POLQ: variants seen among roughly 807,000 people sequenced by gnomAD.
The protein encoded by POLQ is DNA polymerase theta.
In POLQ, 233 loss-of-function variants were observed where a neutral mutation model predicts 259.2. The observed-to-expected ratio is 0.90, with a 90% CI of 0.81 to 1.00. The LOEUF is 1.00. Among genes scored for constraint, POLQ ranks in the 50% least tolerant of loss-of-function variants. The probability of loss-of-function intolerance (pLI) is 0.00; values close to 1 mark genes in which losing one functional copy is unlikely to be tolerated. For synonymous variants in POLQ, 1,025 were observed against 1,048.8 expected (o/e 0.98, Z 0.44); for missense variants, 2,871 against 3,051.6 (o/e 0.94, Z 1.39).
intron 9 of POLQ, among the ~76,000 whole-genome samples, chr3:121,518,790 G>A (rs984925470): frequency 6.6e-6 from 1 of 151,172 alleles, no homozygotes; most frequent in African/African-American, 2.4e-5. Flanking sequence ...TAAAATACTG[G>A]AGTCAATTAT....
intron 27 of POLQ, 54 bp from the exon 28 acceptor site, chr3:121,436,329 C>T: frequency 1.3e-6 from 2 of 1,582,850 alleles, no homozygotes; most frequent in Non-Finnish European, 1.7e-6. Flanking sequence ...TGGTTTCATA[C>T]TTTCCTTTAG....
intron 20 of POLQ, 137 bp from the exon 21 acceptor site, chr3:121,473,624 A>C (rs2047903174): frequency 1.3e-6 from 1 of 797,822 alleles, no homozygotes; most frequent in Non-Finnish European, 2.0e-6. Context: ...GATAATTTGG[A>C]ATTACCATAT....
chr3:121,531,364 G>A (rs906576623), intron 6 of POLQ, among the ~76,000 whole-genome samples: 27 of 152,124 alleles, frequency 1.8e-4, no homozygotes, highest in Non-Finnish European at 2.9e-4. Flanking sequence ...ATGGCCCTAA[G>A]GGGAAAGTAT....
intron 19 of POLQ, among the ~76,000 whole-genome samples, chr3:121,477,415 C>T (rs2047935885): frequency 6.6e-6 from 1 of 152,130 alleles, no homozygotes; most frequent in Non-Finnish European, 1.5e-5. Context: ...TACATTTAGA[C>T]TTGGGTCTCA....
At chr3:121,465,528 T>C (rs2047828021) in intron 24 of POLQ, among the ~76,000 whole-genome samples, 1 of 151,922 alleles carries the variant, frequency 6.6e-6, no homozygotes, top group Non-Finnish European at 1.5e-5. Flanking sequence ...CAGGTTTTTT[T>C]CTTAAAGAAA....
chr3:121,494,963 C>CAAAAAAAAAAAAA, intron 14 of POLQ: 1 of 538,558 alleles, frequency 1.9e-6, no homozygotes, highest in Non-Finnish European at 3.0e-6. Context: ...TACAAATTTT[C>CAAAAAAAAAAAAA]AAAAAAAAAA....
rs145059078 is a variant in POLQ, at chr3:121,478,156, CAG to C, written c.6212-1425_6212-1424del. On this transcript the variant is annotated intron_variant, in intron 19 of 29. Coordinates refer to ENST00000264233, the MANE Select transcript of POLQ (RefSeq NM_199420.4). ...CTTGAAACAACAACAGGATGAGGAG[CAG>C]AGTCTCAGACTCCTGTTCTGAAACA... 9.0e-3 allele frequency among the ~76,000 whole-genome samples: 1,369 copies of C among 152,186 alleles called. 19 individuals carry two copies. Among genetic ancestry groups the C allele is most frequent in the African/African-American group, 0.031 (1,296 of 41,516 alleles).
In POLQ at chr3:121,432,148, A is replaced by C; in HGVS notation, c.*156T>G. The C allele has an allele frequency of 3.1e-6, 2 of 642,734 alleles. No individual in the cohort carries two copies. The highest frequency in any genetic ancestry group is 5.0e-6 in the Non-Finnish European group (2 of 397,158). 39.8% of individuals were successfully genotyped at this position (642,734 alleles called of 1,614,324 possible). A position where few individuals can be genotyped will look rare whatever the true frequency, so the allele number is the denominator to read the frequency against. ...GAAGTTTTTGATGCTATAGACACTGATATATAGTTTGAAACTCTCACTATA... is the reference window on the plus strand; with the variant it reads ...GAAGTTTTTGATGCTATAGACACTGCTATATAGTTTGAAACTCTCACTATA... On this transcript the variant is annotated 3_prime_UTR_variant, in exon 30 of 30. Coordinates refer to ENST00000264233, the MANE Select transcript of POLQ (RefSeq NM_199420.4).
rs552538227 is a variant in POLQ at position 121,477,464 on chromosome 3, A to C, written c.6212-731T>G. Among the ~76,000 whole-genome samples the C allele has an allele frequency of 2.2e-4, 33 of 152,322 alleles. No homozygotes were observed. The South Asian group carries it at 6.2e-3, about 29-fold the overall frequency. On this transcript the variant is annotated intron_variant, in intron 19 of 29. Coordinates refer to ENST00000264233, the MANE Select transcript of POLQ (RefSeq NM_199420.4). ...TCATTATATATATGCAAATATTCCA[A>C]AATCCAAAAAAATCTGAAACGTAAA...
Position 121,487,928 on chromosome 3 carries a change from A to T in POLQ, c.5003T>A (p.Leu1668Ter). 1 of 1,602,998 alleles carries T rather than the reference A, an allele frequency of 6.2e-7. No homozygotes were observed. The highest frequency in any genetic ancestry group is 8.5e-7 in the Non-Finnish European group (1 of 1,176,558). Residue 1668 changes from leucine to a stop codon, truncating the protein, a stop_gained, in exon 16 of 30, where the codon TTG (leucine) becomes TAG (stop). Transcript: ENST00000264233. LOFTEE classifies it high-confidence loss of function. ...ATTTAACTCTGTATTTTTTCTATTC[A>T]AACTGGAAAAGTTTATAGTCATTGA... is the stretch of plus-strand genomic sequence containing the variant. Reference protein sequence around the residue: ...LKSMTINFSSLNRKNTELNEE... With the variant: ...LKSMTINFSS
intron 26 of POLQ, among the ~76,000 whole-genome samples, chr3:121,441,765 G>A (rs541517911): frequency 9.2e-5 from 14 of 152,260 alleles, no homozygotes; most frequent in African/African-American, 3.1e-4. Context: ...AGAATTGCAC[G>A]GTTATATAGT....
chr3:121,540,143 T>G (rs1473132413), intron 3 of POLQ, among the ~76,000 whole-genome samples: 1 of 152,108 alleles, frequency 6.6e-6, no homozygotes, highest in African/African-American at 2.4e-5. Context: ...TGGGTCTAAG[T>G]TGAGTGATGT....
At chr3:121,517,545 T>C (rs992238215) in intron 9 of POLQ, among the ~76,000 whole-genome samples, 1 of 152,170 alleles carries the variant, frequency 6.6e-6, no homozygotes, top group Non-Finnish European at 1.5e-5. Flanking sequence ...AGCTAAAGAT[T>C]ATATTTCCCA....
intron 21 of POLQ, 45 bp from the exon 22 acceptor site, chr3:121,472,209 C>A: frequency 1.1e-6 from 1 of 882,150 alleles, no homozygotes; most frequent in South Asian, 2.5e-5. Flanking sequence ...GTCCAAATTC[C>A]ACAGCAAGCT....
chr3:121,526,516 A>G (rs2048374648), intron 7 of POLQ, among the ~76,000 whole-genome samples: 1 of 151,942 alleles, frequency 6.6e-6, no homozygotes, highest in Non-Finnish European at 1.5e-5. Flanking sequence ...TTTTTTTCTC[A>G]GAATAGGGCA....
rs139986708 is a variant in POLQ at position 121,511,305 on chromosome 3, C to T, written c.1611+582G>A. On this transcript the variant is annotated intron_variant, in intron 10 of 29. Coordinates refer to ENST00000264233, the MANE Select transcript of POLQ (RefSeq NM_199420.4). ...CCCAGCTACTCAGGAGGCTGAGGCA[C>T]GAGAATTCCTTGAACCCAGGAGCCA... 3.0e-3 allele frequency among the ~76,000 whole-genome samples: 444 copies of T among 147,438 alleles called. 2 individuals are homozygous for T. Among genetic ancestry groups the T allele is most frequent in the Non-Finnish European group, 2.4e-3 (159 of 67,070 alleles).
intron 25 of POLQ, among the ~76,000 whole-genome samples, chr3:121,456,621 C>G (rs2047740995): frequency 6.6e-6 from 1 of 151,552 alleles, no homozygotes; most frequent in African/African-American, 2.4e-5. Context: ...CATGAGTGAA[C>G]TCCCATTCAC....
intron 15 of POLQ, among the ~76,000 whole-genome samples, chr3:121,492,525 T>C (rs2048076877): frequency 6.6e-6 from 1 of 152,188 alleles, no homozygotes. Context: ...AAGTGTAAGA[T>C]GAGCCTGAGA....
chr3:121,544,869 G>A lies in POLQ; in HGVS notation c.201C>T (p.Asp67=), dbSNP rs773768646. The A allele has an allele frequency of 1.2e-6, 2 of 1,611,070 alleles. No homozygotes were observed. Among genetic ancestry groups the A allele is most frequent in the South Asian group, 2.2e-5 (2 of 90,862 alleles). Residue 67 remains aspartate, a synonymous_variant, in exon 2 of 30, where the codon GAC becomes GAT. Transcript: ENST00000264233. ...CKPTVPDYER[D]KLLLANWGLP... ...GTCCCCAGTTTGCCAATAGTAGCTT[G>A]TCTCTTTCGTAGTCAGGAACTGTAG... is the stretch of plus-strand genomic sequence containing the variant.
Sources: allele counts gnomAD v4.1 joint callset (sites outside exome capture counted in the v4.1 genomes callset), GRCh38; gene constraint gnomAD v4.1.1; transcripts MANE v1.5; gene names NCBI Gene and HGNC (gene_info 2026-07-23, HGNC 2026-07-21).